CNOT1: variants seen among roughly 807,000 people sequenced by gnomAD.
CNOT1 encodes CCR4-associated factor 1.
CNOT1 carries 15 observed loss-of-function variants against 273.8 expected under a neutral mutation model. The observed-to-expected ratio is 0.05, with a 90% CI of 0.04 to 0.08. The LOEUF is 0.08. Ranked by LOEUF, CNOT1 falls within the 10% of genes least tolerant of loss-of-function variation. CNOT1 has a pLI of 1.00. For missense variants in CNOT1, 1,644 were observed against 2,912.2 expected (o/e 0.56, Z 10.02); for synonymous variants, 1,022 against 1,005.5 (o/e 1.02, Z -0.31).
chr16:58,556,953 A>G lies in CNOT1; in HGVS notation c.2373T>C (p.Thr791=), dbSNP rs901115178. 11 of 1,614,068 alleles carry G rather than the reference A, an allele frequency of 6.8e-6. No homozygotes were observed. Among genetic ancestry groups the G allele is most frequent in the Admixed American group, 5.0e-5 (3 of 60,004 alleles). Residue 791 remains threonine, a synonymous_variant, in exon 19 of 49, where the codon ACT becomes ACC. Transcript: ENST00000317147. ...LGTGSLTGIG[T]GALGLPAVNN... ...TCACTGCAGGGAGTCCAAGAGCACC[A>G]GTTCCTATACCAGTCAGGCTGCCTG...
At chr16:58,539,624 G>GAAA (rs35234309) in intron 35 of CNOT1, 144 bp downstream of exon 35, 913 of 680,748 alleles carry the variant, frequency 1.3e-3, no homozygotes, top group South Asian at 0.01. Context: ...TTCTACGTTG[G>GAAA]AAAAAAAAAA....
At chr16:58,523,551 T>A (rs1490274770) in intron 46 of CNOT1, 49 bp from the exon 47 acceptor site, 1 of 1,593,996 alleles carries the variant, frequency 6.3e-7, no homozygotes, top group Non-Finnish European at 8.6e-7. Flanking sequence ...AAGGCCAACA[T>A]GGGAAGACAG....
intron 31 of CNOT1, 150 bp from the exon 32 acceptor site, chr16:58,542,718 A>C (rs985883968): frequency 8.3e-7 from 1 of 1,202,828 alleles, no homozygotes; most frequent in Non-Finnish European, 1.1e-6. Context: ...GTGATCTTGA[A>C]ACAGTCTTAA....
intron 1 of CNOT1, among the ~76,000 whole-genome samples, chr16:58,619,453 C>T (rs1445568389): frequency 2.7e-5 from 4 of 150,176 alleles, no homozygotes; most frequent in South Asian, 4.2e-4. Context: ...TTTGAGACAG[C>T]GTCTCGCTCT....
In CNOT1 at chr16:58,599,326, G is replaced by A; in HGVS notation, c.12C>T (p.Asp4=). 1 of 1,614,198 alleles carries A rather than the reference G, an allele frequency of 6.2e-7. No homozygotes were observed. The highest frequency in any genetic ancestry group is 1.3e-5 in the African/African-American group (1 of 75,052). MNL[D]SLSLALSQIS... is the part of the protein sequence containing the mutation. ...TTTGAGACAAGGCCAGCGAGAGCGA[G>A]TCAAGATTCATTGCTGGTTGGGGCG... Residue 4 remains aspartate (D), a synonymous_variant, in exon 2 of 49, where the codon GAC becomes GAT. Coordinates refer to ENST00000317147, the MANE Select transcript of CNOT1 (RefSeq NM_016284.5).
At chr16:58,550,360 C>T (rs2040409525) in intron 24 of CNOT1, among the ~76,000 whole-genome samples, 1 of 152,148 alleles carries the variant, frequency 6.6e-6, no homozygotes, top group African/African-American at 2.4e-5. Flanking sequence ...TGTAGATTTT[C>T]TTCTATTAAT....
In CNOT1 at chr16:58,626,594, T is replaced by C. The variant is rs577994642; in HGVS notation, c.-175+3134A>G. Among the ~76,000 whole-genome samples the C allele has an allele frequency of 1.3e-3, 200 of 151,806 alleles. 1 individual carries two copies. The highest frequency in any genetic ancestry group is 2.4e-3 in the Non-Finnish European group (161 of 67,936). ...GACCAACATAGTGAAACCCCGTCTCTACCAAAAATACAAAAATTAGCTGGG... is the reference window on the plus strand; with the variant it reads ...GACCAACATAGTGAAACCCCGTCTCCACCAAAAATACAAAAATTAGCTGGG... On this transcript the variant is annotated intron_variant, in intron 1 of 48. Coordinates refer to ENST00000317147, the MANE Select transcript of CNOT1 (RefSeq NM_016284.5).
intron 2 of CNOT1, among the ~76,000 whole-genome samples, chr16:58,590,724 C>T (rs1040481736): frequency 6.6e-6 from 1 of 152,168 alleles, no homozygotes; most frequent in African/African-American, 2.4e-5. Context: ...ATGATGGTGC[C>T]ACTGCACTCC....
intron 1 of CNOT1, among the ~76,000 whole-genome samples, chr16:58,626,927 A>T (rs1463441315): frequency 6.6e-6 from 1 of 151,966 alleles, no homozygotes; most frequent in East Asian, 1.9e-4. Context: ...CTCCTCCCTC[A>T]TCCTCCCAAA....
rs1321384920 is a variant in CNOT1 at position 58,538,167 on chromosome 16, G to A, written c.5235C>T (p.His1745=). 4 of 1,567,372 alleles carry A rather than the reference G, an allele frequency of 2.6e-6. No individual in the cohort carries two copies. In the African/African-American group the frequency reaches 4.1e-5, roughly 16 times the overall value. ...TAAATTCCTTCCATACCTGCGCTAGGTGAAGATCATACTGCTGCATATTAA... is the reference window on the plus strand; with the variant it reads ...TAAATTCCTTCCATACCTGCGCTAGATGAAGATCATACTGCTGCATATTAA... ...HLVNMQQYDL[H]LAQSMENGLN... Residue 1745 remains histidine (H), a synonymous_variant, in exon 37 of 49, where the codon CAC becomes CAT. Coordinates refer to ENST00000317147, the MANE Select transcript of CNOT1 (RefSeq NM_016284.5).
intron 16 of CNOT1, among the ~76,000 whole-genome samples, chr16:58,571,864 G>A (rs1256458303): frequency 6.6e-6 from 1 of 152,090 alleles, no homozygotes; most frequent in Non-Finnish European, 1.5e-5. Flanking sequence ...TGTAATCCCA[G>A]CTACTGAGGC....
At chr16:58,620,071 C>G (rs1054253451) in intron 1 of CNOT1, among the ~76,000 whole-genome samples, 1 of 152,064 alleles carries the variant, frequency 6.6e-6, no homozygotes, top group Non-Finnish European at 1.5e-5. Context: ...ACCAGAGTAT[C>G]GATTTCCAAG....
chr16:58,575,187 C>A, intron 14 of CNOT1, 58 bp from the exon 15 acceptor site: 1 of 1,574,220 alleles, frequency 6.4e-7, no homozygotes, highest in South Asian at 1.2e-5. Flanking sequence ...CTATCTCTGT[C>A]CCATATTCTG....
chr16:58,625,891 T>TG (rs2043558005), intron 1 of CNOT1, among the ~76,000 whole-genome samples: 1 of 148,180 alleles, frequency 6.7e-6, no homozygotes, highest in Non-Finnish European at 1.5e-5. Context: ...TTGTATACAC[T>TG]GGGGGGCAGA....
At chr16:58,589,044 G>A in intron 2 of CNOT1, 138 bp from the exon 3 acceptor site, 1 of 1,179,412 alleles carries the variant, frequency 8.5e-7, no homozygotes, top group African/African-American at 1.6e-5. Flanking sequence ...AAAGTTAAAG[G>A]AATTATTGAT....
At chr16:58,566,936 T>A (rs1349035091) in intron 16 of CNOT1, among the ~76,000 whole-genome samples, 2 of 152,054 alleles carry the variant, frequency 1.3e-5, no homozygotes, top group Non-Finnish European at 2.9e-5. Flanking sequence ...CAGCCTAGTA[T>A]CATTGGTTTC....
At chr16:58,610,412 GAAAT>G (rs904451353) in intron 1 of CNOT1, among the ~76,000 whole-genome samples, 12 of 150,888 alleles carry the variant, frequency 8.0e-5, no homozygotes, top group Non-Finnish European at 1.8e-4. Flanking sequence ...CCTCAATAAA[GAAAT>G]AAATAGGCCA....
intron 1 of CNOT1, among the ~76,000 whole-genome samples, chr16:58,601,088 G>C (rs1424966423): frequency 6.6e-6 from 1 of 152,176 alleles, no homozygotes; most frequent in African/African-American, 2.4e-5. Context: ...CCAAGTAGCT[G>C]GAATTACAGG....
chr16:58,574,059 C>T (rs1597487968), intron 16 of CNOT1, among the ~76,000 whole-genome samples: 1 of 151,410 alleles, frequency 6.6e-6, no homozygotes, highest in East Asian at 1.9e-4. Context: ...GAGATCAGCT[C>T]GGGCAACATA....
Sources: gnomAD v4.1 joint callset for allele counts (sites outside exome capture counted in the v4.1 genomes callset) on GRCh38, gnomAD v4.1.1 for gene constraint, MANE v1.5 for transcripts, NCBI Gene and HGNC (gene_info 2026-07-23, HGNC 2026-07-21) for gene names.